Variants in FAF1 observed in about 807,000 individuals in gnomAD.
FAF1 encodes FAS-associated factor 1.
A neutral mutation model predicts 92.5 loss-of-function variants in FAF1; 25 were observed. That is an observed-to-expected ratio of 0.27 (90% CI 0.20 to 0.38). FAF1 has a LOEUF of 0.38. Among genes scored for constraint, FAF1 ranks in the 10% least tolerant of loss-of-function variants. FAF1 has a pLI of 1.00. For synonymous variants in FAF1, 234 were observed against 273.2 expected (o/e 0.86, Z 1.42); for missense variants, 636 against 793.3 (o/e 0.80, Z 2.38).
intron 14 of FAF1, 62 bp from the exon 15 acceptor site, chr1:50,535,519 A>T: frequency 1.1e-6 from 1 of 906,312 alleles, no homozygotes; most frequent in Non-Finnish European, 1.7e-6. Context: ...TCAAATTATT[A>T]AAGTATTAGA....
At chr1:50,880,871 T>C (rs1020996894) in intron 1 of FAF1, among the ~76,000 whole-genome samples, 2 of 151,776 alleles carry the variant, frequency 1.3e-5, no homozygotes, top group East Asian at 1.9e-4. Context: ...AACTAAACTC[T>C]AGCACACCAT....
intron 8 of FAF1, among the ~76,000 whole-genome samples, chr1:50,629,938 A>G (rs577790275): frequency 6.6e-6 from 1 of 152,038 alleles, no homozygotes; most frequent in Admixed American, 6.6e-5. Flanking sequence ...CATGCCTGTA[A>G]TCCCAGCTAC....
chr1:50,860,555 C>T (rs1273369847), intron 1 of FAF1, among the ~76,000 whole-genome samples: 1 of 151,846 alleles, frequency 6.6e-6, no homozygotes, highest in Admixed American at 6.6e-5. Context: ...GACATACCAT[C>T]TCACACCAGT....
At chr1:50,729,060 T>TATA (rs1557497314) in intron 6 of FAF1, among the ~76,000 whole-genome samples, 5 of 76,482 alleles carry the variant, frequency 6.5e-5, no homozygotes, top group South Asian at 4.4e-4. Flanking sequence ...ATATATATAT[T>TATA]TTTTTTTTTT....
intron 6 of FAF1, among the ~76,000 whole-genome samples, chr1:50,708,282 C>A (rs1195919608): frequency 6.6e-6 from 1 of 152,066 alleles, no homozygotes; most frequent in African/African-American, 2.4e-5. Context: ...GGTAGAGGCA[C>A]AGATGAAAAA....
At chr1:50,678,581 A>C (rs1377319482) in intron 7 of FAF1, among the ~76,000 whole-genome samples, 1 of 151,830 alleles carries the variant, frequency 6.6e-6, no homozygotes, top group Non-Finnish European at 1.5e-5. Flanking sequence ...GGAGATAGAG[A>C]CCATCCTGGC....
intron 13 of FAF1, among the ~76,000 whole-genome samples, chr1:50,554,388 T>TAGAGAGAGAGAGAG (rs559745248): frequency 3.0e-5 from 3 of 100,684 alleles, no homozygotes; most frequent in African/African-American, 8.6e-5. Context: ...TATATATATA[T>TAGAGAGAGAGAGAG]ATAGAGAGAG....
intron 7 of FAF1, among the ~76,000 whole-genome samples, chr1:50,684,690 C>CT (rs1161864291): frequency 1.3e-5 from 2 of 152,220 alleles, no homozygotes; most frequent in Admixed American, 1.3e-4. Context: ...TAATAATCAG[C>CT]TTTTTTGCAC....
chr1:50,513,319 G>A (rs1647161393), intron 15 of FAF1, among the ~76,000 whole-genome samples: 1 of 152,170 alleles, frequency 6.6e-6, no homozygotes, highest in East Asian at 1.9e-4. Context: ...GTCTCTACCA[G>A]AAAAAAATAC....
At chr1:50,919,670 G>A (rs1287103395) in intron 1 of FAF1, among the ~76,000 whole-genome samples, 2 of 152,074 alleles carry the variant, frequency 1.3e-5, no homozygotes, top group East Asian at 3.9e-4. Context: ...TTTATTTTTA[G>A]TAGAGACAGG....
At chr1:50,928,846 C>T (rs1327852720) in intron 1 of FAF1, among the ~76,000 whole-genome samples, 1 of 148,884 alleles carries the variant, frequency 6.7e-6, no homozygotes, top group Non-Finnish European at 1.5e-5. Context: ...CCTGTAATCC[C>T]AGCACTTTGG....
At chr1:50,603,357 C>T (rs1306513914) in intron 8 of FAF1, among the ~76,000 whole-genome samples, 1 of 152,152 alleles carries the variant, frequency 6.6e-6, no homozygotes, top group Non-Finnish European at 1.5e-5. Context: ...AATCAGGTAC[C>T]AGATGGCAAA....
intron 14 of FAF1, among the ~76,000 whole-genome samples, chr1:50,536,629 GTAAATGAGT>G (rs1218467411): frequency 6.6e-6 from 1 of 152,110 alleles, no homozygotes; most frequent in African/African-American, 2.4e-5. Flanking sequence ...TACTCACTCA[GTAAATGAGT>G]TACAGGACAA....
At chr1:50,861,493 A>G (rs926932231) in intron 1 of FAF1, among the ~76,000 whole-genome samples, 1 of 151,808 alleles carries the variant, frequency 6.6e-6, no homozygotes, top group African/African-American at 2.4e-5. Context: ...GTGAGAGTTA[A>G]ACAATGGAGA....
chr1:50,775,640 C>T (rs934018382), intron 4 of FAF1, among the ~76,000 whole-genome samples: 6 of 151,790 alleles, frequency 4.0e-5, no homozygotes, highest in Non-Finnish European at 7.4e-5. Flanking sequence ...TTAGAAAAAT[C>T]ACCACAGGGC....
At chr1:50,939,588 C>T (rs1645113519) in intron 1 of FAF1, among the ~76,000 whole-genome samples, 1 of 151,820 alleles carries the variant, frequency 6.6e-6, no homozygotes, top group African/African-American at 2.4e-5. Context: ...GAGTAGGCAT[C>T]TTCATCTTGT....
At chr1:50,836,130 T>C (rs1425950003) in intron 2 of FAF1, among the ~76,000 whole-genome samples, 1 of 151,828 alleles carries the variant, frequency 6.6e-6, no homozygotes, top group African/African-American at 2.4e-5. Context: ...ATGTAGTTTT[T>C]TGGGGATTTT....
chr1:50,823,242 C>A (rs1222452273), intron 2 of FAF1, among the ~76,000 whole-genome samples: 3 of 152,084 alleles, frequency 2.0e-5, no homozygotes, highest in African/African-American at 7.2e-5. Flanking sequence ...AATATAGCTG[C>A]CTACATTTTG....
At chr1:50,666,793 G>T (rs1422303697) in intron 7 of FAF1, among the ~76,000 whole-genome samples, 1 of 152,166 alleles carries the variant, frequency 6.6e-6, no homozygotes, top group Non-Finnish European at 1.5e-5. Flanking sequence ...TGAGGCAGGA[G>T]AATCGCTTGA....
Sources: gnomAD v4.1 joint callset for allele counts (sites outside exome capture counted in the v4.1 genomes callset) on GRCh38, gnomAD v4.1.1 for gene constraint, MANE v1.5 for transcripts, NCBI Gene and HGNC (gene_info 2026-07-23, HGNC 2026-07-21) for gene names.